Variants in CDH4 observed in about 807,000 individuals in gnomAD.
CDH4 encodes cadherin 4.
Under a neutral mutation model 86.0 loss-of-function variants are expected in CDH4, and 33 were observed. The observed-to-expected ratio is 0.38, with a 90% confidence interval of 0.29 to 0.51. CDH4 has a LOEUF of 0.51. Ranked by LOEUF, CDH4 falls within the 20% of genes least tolerant of loss-of-function variation. The probability of loss-of-function intolerance (pLI) is 0.86; values close to 1 mark genes in which losing one functional copy is unlikely to be tolerated. For missense variants in CDH4, 1,114 were observed against 1,307.4 expected (o/e 0.85, Z 2.28); for synonymous variants, 555 against 549.4 (o/e 1.01, Z -0.14).
intron 14 of CDH4, among the ~76,000 whole-genome samples, chr20:61,933,574 C>T (rs2055140337): frequency 6.6e-6 from 1 of 152,220 alleles, no homozygotes; most frequent in African/African-American, 2.4e-5. Context: ...CAAGTCAAGT[C>T]CTTAAACCCG....
chr20:61,312,164 T>C (rs1185037945), intron 2 of CDH4, among the ~76,000 whole-genome samples: 1 of 149,276 alleles, frequency 6.7e-6, no homozygotes, highest in Non-Finnish European at 1.5e-5. Flanking sequence ...GTGTTGTGTA[T>C]GCGTGTGGGA....
At chr20:61,855,834 C>T (rs1982974162) in intron 6 of CDH4, among the ~76,000 whole-genome samples, 1 of 152,198 alleles carries the variant, frequency 6.6e-6, no homozygotes, top group Non-Finnish European at 1.5e-5. Context: ...CTTCTTCCCA[C>T]CATTCCTGAG....
intron 2 of CDH4, among the ~76,000 whole-genome samples, chr20:61,453,521 G>T (rs1274242229): frequency 2.6e-5 from 4 of 152,124 alleles, no homozygotes; most frequent in African/African-American, 9.7e-5. Flanking sequence ...AGGAGTAAAG[G>T]ATTCAGTGTG....
At chr20:61,565,687 C>G (rs2086292142) in intron 2 of CDH4, among the ~76,000 whole-genome samples, 1 of 152,162 alleles carries the variant, frequency 6.6e-6, no homozygotes, top group Non-Finnish European at 1.5e-5. Context: ...AATGATTGCT[C>G]ACCCCTGAGA....
chr20:61,862,295 G>A (rs1983365978), intron 6 of CDH4, among the ~76,000 whole-genome samples: 1 of 152,166 alleles, frequency 6.6e-6, no homozygotes, highest in Admixed American at 6.5e-5. Context: ...GAGGCTGCAG[G>A]GAGAGCCCAG....
intron 2 of CDH4, among the ~76,000 whole-genome samples, chr20:61,363,805 T>C (rs1275648236): frequency 1.3e-5 from 2 of 152,182 alleles, no homozygotes; most frequent in Admixed American, 1.3e-4. Context: ...TTGGAAGAAG[T>C]AGATATAGAA....
chr20:61,908,948 G>C (rs8121375), intron 8 of CDH4, among the ~76,000 whole-genome samples: 4,896 of 152,286 alleles, frequency 0.032, 222 homozygotes, highest in African/African-American at 0.11. Flanking sequence ...CGTGACTCCT[G>C]GCTGAGGGCA....
chr20:61,601,691 T>A (rs1445585392), intron 2 of CDH4, among the ~76,000 whole-genome samples: 1 of 152,118 alleles, frequency 6.6e-6, no homozygotes, highest in East Asian at 1.9e-4. Context: ...TGGTCTCAGT[T>A]GAGTTGCACC....
chr20:61,343,789 A>G (rs1045255498), intron 2 of CDH4, among the ~76,000 whole-genome samples: 5 of 152,180 alleles, frequency 3.3e-5, no homozygotes, highest in African/African-American at 4.8e-5. Flanking sequence ...ACAGATTAGC[A>G]TGATTTTAGG....
chr20:61,573,030 T>TTGGATGGATGGA lies in CDH4; in HGVS notation c.170-170503_170-170492dup, dbSNP rs760571002. 4.4e-3 allele frequency among the ~76,000 whole-genome samples: 620 copies of TTGGATGGATGGA among 140,436 alleles called. 4 individuals carry two copies. The highest frequency in any genetic ancestry group is 1.0e-2 in the African/African-American group (352 of 35,210). 92.1% of individuals were successfully genotyped at this position (140,436 alleles called of 152,430 possible). A position where few individuals can be genotyped will look rare whatever the true frequency, so the allele number is the denominator to read the frequency against. On this transcript the variant is annotated intron_variant, in intron 2 of 15. Coordinates refer to ENST00000614565, the MANE Select transcript of CDH4 (RefSeq NM_001794.5). ...GATGGATTGATGGATGGATGGATGG[T>TTGGATGGATGGA]TGGATGGATGGATGGATGGATGGAT...
chr20:61,429,144 T>A (rs1171432124), intron 2 of CDH4, among the ~76,000 whole-genome samples: 1 of 151,868 alleles, frequency 6.6e-6, no homozygotes, highest in Non-Finnish European at 1.5e-5. Flanking sequence ...AATGCTCACT[T>A]TTCTCAGATA....
intron 2 of CDH4, chr20:61,370,883 T>C (rs991394528): frequency 6.6e-6 from 1 of 152,214 alleles, no homozygotes; most frequent in African/African-American, 2.4e-5. Context: ...CCTTCTGTCA[T>C]TGTGAGGAGC....
intron 2 of CDH4, among the ~76,000 whole-genome samples, chr20:61,666,298 G>A (rs946068920): frequency 2.6e-5 from 4 of 152,290 alleles, no homozygotes; most frequent in South Asian, 4.1e-4. Context: ...CTGGGGAGTC[G>A]GCCCTGTAGA....
chr20:61,326,662 G>A (rs2084538424), intron 2 of CDH4, among the ~76,000 whole-genome samples: 1 of 152,224 alleles, frequency 6.6e-6, no homozygotes, highest in African/African-American at 2.4e-5. Context: ...GTGGCTGCAT[G>A]TGGGGTTTGC....
chr20:61,426,228 T>C (rs376800748), intron 2 of CDH4, among the ~76,000 whole-genome samples: 37 of 152,352 alleles, frequency 2.4e-4, no homozygotes, highest in African/African-American at 8.7e-4. Context: ...ATCTCATTTT[T>C]TGACGCAGCC....
chr20:61,727,471 T>C (rs528012843), intron 2 of CDH4, among the ~76,000 whole-genome samples: 133 of 152,312 alleles, frequency 8.7e-4, no homozygotes, highest in African/African-American at 2.8e-3. Flanking sequence ...CAATATCATA[T>C]GCGTTATTAT....
chr20:61,897,609 C>T (rs967639023), intron 8 of CDH4, among the ~76,000 whole-genome samples: 12 of 152,232 alleles, frequency 7.9e-5, no homozygotes, highest in Non-Finnish European at 2.9e-5. Context: ...CTACCCTCGC[C>T]GCAACTGCTG....
chr20:61,684,712 A>G lies in CDH4; in HGVS notation c.170-58851A>G, dbSNP rs149369058. Among the ~76,000 whole-genome samples, 7 of 152,056 alleles carry G rather than the reference A, an allele frequency of 4.6e-5. No individual in the cohort carries two copies. Among genetic ancestry groups the G allele is most frequent in the Middle Eastern group, 3.4e-3 (1 of 294 alleles). ...AGCGTTTTTGTGCAAACAGCTCCCA[A>G]TCCTCGCCAGCACCTGGGACCTGCC... On this transcript the variant is annotated intron_variant, in intron 2 of 15. Coordinates refer to ENST00000614565, the MANE Select transcript of CDH4 (RefSeq NM_001794.5). The surrounding 1 kb of genome is among the most constrained non-coding windows in gnomAD (Gnocchi z 4.5).
At chr20:61,850,439 G>A (rs958588258) in intron 5 of CDH4, among the ~76,000 whole-genome samples, 2 of 152,082 alleles carry the variant, frequency 1.3e-5, no homozygotes, top group African/African-American at 2.4e-5. Context: ...AGTTCCATAC[G>A]CCTTGGAGGG....
Sources: gnomAD v4.1 joint callset for allele counts (sites outside exome capture counted in the v4.1 genomes callset) on GRCh38, gnomAD v4.1.1 for gene constraint, Gnocchi (gnomAD v3.1) non-coding constraint, MANE v1.5 for transcripts, NCBI Gene and HGNC (gene_info 2026-07-23, HGNC 2026-07-21) for gene names.